Variants in TMED10 observed in about 807,000 individuals in gnomAD.
The protein encoded by TMED10 is transmembrane emp24 domain-containing protein 10.
In TMED10, 7 loss-of-function variants were observed where a neutral mutation model predicts 23.1. That is an observed-to-expected ratio of 0.30 (90% CI 0.17 to 0.57). TMED10 has a LOEUF of 0.57. TMED10 is among the 20% of genes least tolerant of loss of function. The pLI, the probability that TMED10 is intolerant of heterozygous loss-of-function variation, is 0.91. For missense variants in TMED10, 162 were observed against 274.8 expected (o/e 0.59, Z 2.90); for synonymous variants, 113 against 106.9 (o/e 1.06, Z -0.35).
chr14:75,159,105 T>G (rs1224117897), intron 1 of TMED10, among the ~76,000 whole-genome samples: 1 of 152,102 alleles, frequency 6.6e-6, no homozygotes, highest in Non-Finnish European at 1.5e-5. Context: ...TCTCACTTTA[T>G]AAAGCATAAA....
At chr14:75,172,167 T>A (rs1025467483) in intron 1 of TMED10, among the ~76,000 whole-genome samples, 1 of 152,100 alleles carries the variant, frequency 6.6e-6, no homozygotes, top group African/African-American at 2.4e-5. Flanking sequence ...AACAATTCAA[T>A]TGCAAGGATA....
At chr14:75,157,869 G>A (rs997699252) in intron 1 of TMED10, among the ~76,000 whole-genome samples, 33 of 151,984 alleles carry the variant, frequency 2.2e-4, no homozygotes, top group Non-Finnish European at 3.4e-4. Flanking sequence ...GAACCTGGGA[G>A]GCGGAGGCTG....
At chr14:75,156,295 T>G (rs1896018315) in intron 1 of TMED10, among the ~76,000 whole-genome samples, 1 of 152,028 alleles carries the variant, frequency 6.6e-6, no homozygotes, top group South Asian at 2.1e-4. Context: ...AAATTTTATT[T>G]AATTTTATTA....
At chr14:75,168,615 G>A (rs1278104532) in intron 1 of TMED10, among the ~76,000 whole-genome samples, 1 of 152,126 alleles carries the variant, frequency 6.6e-6, no homozygotes, top group South Asian at 2.1e-4. Context: ...TACAGAAACA[G>A]GACCAGAGAA....
intron 3 of TMED10, among the ~76,000 whole-genome samples, chr14:75,145,258 G>T (rs1338903096): frequency 3.9e-5 from 6 of 152,152 alleles, no homozygotes; most frequent in Admixed American, 3.9e-4. Context: ...GTTTTCTTTG[G>T]GCTAGGGATT....
chr14:75,167,270 C>A (rs1896176792), intron 1 of TMED10, among the ~76,000 whole-genome samples: 1 of 152,104 alleles, frequency 6.6e-6, no homozygotes, highest in African/African-American at 2.4e-5. Context: ...CTTGTCAGCA[C>A]AGAACAGACC....
At chr14:75,152,203 G>A in intron 1 of TMED10, 60 bp from the exon 2 acceptor site, 1 of 1,354,316 alleles carries the variant, frequency 7.4e-7, no homozygotes, top group Non-Finnish European at 1.0e-6. Context: ...AGAACTTACA[G>A]AAACTGGGAA....
intron 4 of TMED10, 52 bp from the exon 5 acceptor site, chr14:75,135,058 G>A (rs1895731646): frequency 1.9e-6 from 3 of 1,605,410 alleles, no homozygotes; most frequent in East Asian, 2.2e-5. Flanking sequence ...CTCCTCAGCT[G>A]GCTAAACAAT....
At chr14:75,159,203 T>C (rs1170838773) in intron 1 of TMED10, among the ~76,000 whole-genome samples, 2 of 152,228 alleles carry the variant, frequency 1.3e-5, no homozygotes, top group African/African-American at 4.8e-5. Context: ...CTAGAGACCC[T>C]AATTTGGATT....
At chr14:75,145,611 C>A (rs1164816492) in intron 3 of TMED10, among the ~76,000 whole-genome samples, 3 of 152,044 alleles carry the variant, frequency 2.0e-5, no homozygotes, top group Non-Finnish European at 1.5e-5. Context: ...CATGGTGAAA[C>A]CCCGTCTCTA....
intron 1 of TMED10, chr14:75,176,102 C>T: frequency 1.8e-6 from 1 of 558,110 alleles, no homozygotes; most frequent in South Asian, 2.0e-5. Flanking sequence ...TTGACAACCG[C>T]CCCAGCTCAG....
chr14:75,174,615 T>A (rs1255965058), intron 1 of TMED10, among the ~76,000 whole-genome samples: 1 of 152,132 alleles, frequency 6.6e-6, no homozygotes, highest in East Asian at 1.9e-4. Context: ...AAATGATGGG[T>A]CACAGATTAA....
At chr14:75,153,777 C>CTTTTTT (rs59328978) in intron 1 of TMED10, among the ~76,000 whole-genome samples, 5 of 131,748 alleles carry the variant, frequency 3.8e-5, no homozygotes, top group Non-Finnish European at 7.9e-5. Flanking sequence ...TTTTTTTTCC[C>CTTTTTT]TTTTTTTTTT....
intron 1 of TMED10, among the ~76,000 whole-genome samples, chr14:75,164,104 C>T (rs1330069262): frequency 1.3e-5 from 2 of 151,538 alleles, no homozygotes; most frequent in Admixed American, 6.6e-5. Flanking sequence ...TTTGCTCTGT[C>T]GTAAAGGCTG....
In TMED10 at chr14:75,132,594, A is replaced by G. The variant is rs2139826702; in HGVS notation, c.*2291T>C. 6.6e-6 allele frequency: 1 copy of G among 152,324 alleles called. No individual in the cohort carries two copies. Among genetic ancestry groups the G allele is most frequent in the South Asian group, 2.1e-4 (1 of 4,824 alleles). The allele number at this position is 152,324 out of a possible 1,614,324, so 9.4% of individuals were successfully genotyped here. A position where few individuals can be genotyped will look rare whatever the true frequency, so the allele number is the denominator to read the frequency against. ...AGCAGATGGCAATGTTGTACAAGTT[A>G]ACGACAGAACTACTTTTATGCCACA... On this transcript the variant is annotated 3_prime_UTR_variant, in exon 5 of 5. Transcript: ENST00000303575.
chr14:75,168,714 T>C (rs1241966600), intron 1 of TMED10, among the ~76,000 whole-genome samples: 3 of 152,218 alleles, frequency 2.0e-5, no homozygotes, highest in Non-Finnish European at 4.4e-5. Context: ...ACTTCAGATC[T>C]AGTCTCTACC....
In TMED10 at chr14:75,134,327, T is replaced by A. The variant is rs539946453; in HGVS notation, c.*558A>T. ...ATCTACAGTTCAAAGCTCACTTTTA[T>A]GAGGTGTCACATCCATCACCATTTT... On this transcript the variant is annotated 3_prime_UTR_variant, in exon 5 of 5. Coordinates refer to ENST00000303575, the MANE Select transcript of TMED10 (RefSeq NM_006827.6). 2 of 154,304 alleles carry A rather than the reference T, an allele frequency of 1.3e-5. No homozygotes were observed. The highest frequency in any genetic ancestry group is 1.3e-4 in the Admixed American group (2 of 15,598). 9.6% of individuals were successfully genotyped at this position (154,304 alleles called of 1,614,324 possible). A position where few individuals can be genotyped will look rare whatever the true frequency, so the allele number is the denominator to read the frequency against.
intron 1 of TMED10, among the ~76,000 whole-genome samples, chr14:75,175,279 G>T (rs938014442): frequency 1.3e-5 from 2 of 152,056 alleles, no homozygotes; most frequent in African/African-American, 4.8e-5. Context: ...CACCATCCAA[G>T]AGCATAGTTG....
intron 3 of TMED10, among the ~76,000 whole-genome samples, chr14:75,142,852 T>C (rs1001478528): frequency 6.6e-6 from 1 of 152,032 alleles, no homozygotes; most frequent in African/African-American, 2.4e-5. Context: ...CATTGATTTT[T>C]TTTCTTTCTT....
Sources: allele counts gnomAD v4.1 joint callset (sites outside exome capture counted in the v4.1 genomes callset), GRCh38; gene constraint gnomAD v4.1.1; transcripts MANE v1.5; gene names NCBI Gene and HGNC (gene_info 2026-07-23, HGNC 2026-07-21).